EIPR1: variants seen among roughly 807,000 people sequenced by gnomAD.
EIPR1 encodes EARP complex and GARP complex interacting protein 1, also known as EARP and GARP complex-interacting protein 1.
In EIPR1, 25 loss-of-function variants were observed where a neutral mutation model predicts 48.1. That is an observed-to-expected ratio of 0.52 (90% CI 0.38 to 0.73). The LOEUF is 0.73. Among genes scored for constraint, EIPR1 ranks in the 30% least tolerant of loss-of-function variants. The pLI is 0.00. For missense variants in EIPR1, 415 were observed against 506.2 expected, an observed-to-expected ratio of 0.82 and a Z score of 1.73; for synonymous variants, 204 against 201.9, an observed-to-expected ratio of 1.01 and a Z score of -0.09.
chr2:3,197,031 G>C lies in EIPR1; in HGVS notation c.517-14C>G, dbSNP rs200276053. The C allele has an allele frequency of 1.2e-6, 2 of 1,612,664 alleles. No homozygotes were observed. Among genetic ancestry groups the C allele is most frequent in the South Asian group, 1.1e-5 (1 of 90,938 alleles). On this transcript the variant is annotated splice_polypyrimidine_tract_variant and intron_variant, in intron 5 of 8. Coordinates refer to ENST00000382125, the MANE Select transcript of EIPR1 (RefSeq NM_003310.5). ...TGAGCTGGCCAGCTGGGAGTGTCAC[G>C]ATGTTTTCCAAAGGAAGAAGAAAAG...
intron 3 of EIPR1, among the ~76,000 whole-genome samples, chr2:3,285,639 C>T (rs1668160226): frequency 1.3e-5 from 2 of 152,302 alleles, no homozygotes; most frequent in Admixed American, 1.3e-4. Context: ...GTTACTAACA[C>T]ATGGAGCAGA....
chr2:3,337,484 C>G (rs539998235), intron 3 of EIPR1, among the ~76,000 whole-genome samples: 14 of 152,134 alleles, frequency 9.2e-5, no homozygotes, highest in African/African-American at 2.9e-4. Context: ...ACAAGGAGAA[C>G]TGGGGAAGAG....
chr2:3,336,630 T>C (rs1409940065), intron 3 of EIPR1, among the ~76,000 whole-genome samples: 4 of 152,084 alleles, frequency 2.6e-5, no homozygotes, highest in Admixed American at 2.6e-4. Flanking sequence ...TAGCAGGGCA[T>C]GGTGATGTGC....
At chr2:3,291,475 T>C (rs963111491) in intron 3 of EIPR1, among the ~76,000 whole-genome samples, 2 of 152,212 alleles carry the variant, frequency 1.3e-5, no homozygotes, top group African/African-American at 4.8e-5. Flanking sequence ...CTAAGAGAGA[T>C]GGTTAGTTGT....
chr2:3,344,296 T>A (rs1284641414), intron 2 of EIPR1, among the ~76,000 whole-genome samples: 1 of 152,228 alleles, frequency 6.6e-6, no homozygotes, highest in African/African-American at 2.4e-5. Context: ...TTATGCAGAA[T>A]ACTGAATACT....
chr2:3,265,682 C>T (rs1019102130), intron 3 of EIPR1, among the ~76,000 whole-genome samples: 1 of 152,194 alleles, frequency 6.6e-6, no homozygotes, highest in Non-Finnish European at 1.5e-5. Context: ...ACATATGGCA[C>T]AAACCGCAGC....
In EIPR1 at chr2:3,327,559, A is replaced by G. The variant is rs1266606831; in HGVS notation, c.259+10458T>C. Among the ~76,000 whole-genome samples, 74 of 152,238 alleles carry G rather than the reference A, an allele frequency of 4.9e-4. 1 individual carries two copies. Among genetic ancestry groups the G allele is most frequent in the Admixed American group, 4.8e-3 (73 of 15,284 alleles). On this transcript the variant is annotated intron_variant, in intron 3 of 8. Transcript: ENST00000382125. The stretch of plus-strand genomic sequence containing the variant: ...GATGCTGAGATAGAGAGAAAAGGTC[A>G]CTATAGTGAAGCGAATTAACATATC...
rs985306594 is a variant in EIPR1, at chr2:3,248,252, A to C, written c.416+9047T>G. Among the ~76,000 whole-genome samples the C allele has an allele frequency of 2.6e-5, 4 of 152,356 alleles. No individual in the cohort carries two copies. The South Asian group carries it at 8.3e-4, about 32-fold the overall frequency. ...CACCTGAGATCAGGAGTTCAAGAGCAGCCTGACCAACATGGTGAAACCCCA... is the reference window on the plus strand; with the variant it reads ...CACCTGAGATCAGGAGTTCAAGAGCCGCCTGACCAACATGGTGAAACCCCA... On this transcript the variant is annotated intron_variant, in intron 4 of 8. Transcript: ENST00000382125.
intron 4 of EIPR1, among the ~76,000 whole-genome samples, chr2:3,247,214 C>T (rs556342163): frequency 5.9e-5 from 9 of 152,198 alleles, no homozygotes; most frequent in African/African-American, 7.2e-5. Context: ...AGAAACAAGG[C>T]GATTTCTAGG....
At chr2:3,262,016 T>C (rs1351290866) in intron 3 of EIPR1, 1 of 152,236 alleles carries the variant, frequency 6.6e-6, no homozygotes. Context: ...TGGATGACTC[T>C]AAGCTCAACA....
At chr2:3,365,022 T>G (rs1220228128) in intron 1 of EIPR1, among the ~76,000 whole-genome samples, 1 of 152,180 alleles carries the variant, frequency 6.6e-6, no homozygotes, top group East Asian at 1.9e-4. Flanking sequence ...ATATTTAAGG[T>G]GATGGATATC....
intron 1 of EIPR1, among the ~76,000 whole-genome samples, chr2:3,363,568 C>T (rs564100134): frequency 6.6e-6 from 1 of 152,064 alleles, no homozygotes; most frequent in Non-Finnish European, 1.5e-5. Context: ...TGGAGGTGTG[C>T]GCCTGTAGTC....
intron 4 of EIPR1, among the ~76,000 whole-genome samples, chr2:3,223,281 G>A (rs377716810): frequency 1.1e-4 from 16 of 152,198 alleles, no homozygotes; most frequent in African/African-American, 3.6e-4. Flanking sequence ...GTCCTTTCCC[G>A]TGGCAGCCTG....
chr2:3,311,998 G>A (rs148848729), intron 3 of EIPR1, among the ~76,000 whole-genome samples: 129 of 152,210 alleles, frequency 8.5e-4, no homozygotes, highest in African/African-American at 2.8e-3. Flanking sequence ...AGGACCTGGC[G>A]GTCACTCTCG....
chr2:3,359,229 T>A (rs1324646998), intron 1 of EIPR1, among the ~76,000 whole-genome samples: 1 of 152,178 alleles, frequency 6.6e-6, no homozygotes, highest in South Asian at 2.1e-4. Flanking sequence ...TGCCATCACT[T>A]TAAAATAGAA....
rs1458007501 is a variant in EIPR1 at position 3,197,022 on chromosome 2, G to C, written c.517-5C>G. On this transcript the variant is annotated splice_region_variant and splice_polypyrimidine_tract_variant and intron_variant, in intron 5 of 8. Transcript: ENST00000382125. ...CAGGGACGCTGAGCTGGCCAGCTGG[G>C]AGTGTCACGATGTTTTCCAAAGGAA... The C allele has an allele frequency of 6.2e-7, 1 of 1,613,498 alleles. No individual in the cohort carries two copies. Among genetic ancestry groups the C allele is most frequent in the Admixed American group, 1.7e-5 (1 of 59,944 alleles).
intron 3 of EIPR1, among the ~76,000 whole-genome samples, chr2:3,303,722 G>A (rs1156990289): frequency 6.6e-6 from 1 of 152,176 alleles, no homozygotes; most frequent in Non-Finnish European, 1.5e-5. Flanking sequence ...GTGTTTCCCG[G>A]CACCGTGAAC....
At chr2:3,201,220 A>G (rs1283067162) in intron 5 of EIPR1, among the ~76,000 whole-genome samples, 2 of 152,178 alleles carry the variant, frequency 1.3e-5, no homozygotes, top group African/African-American at 4.8e-5. Context: ...CCAGGGCCTG[A>G]CATCCCCCTG....
At chr2:3,288,235 C>G (rs1668266740) in intron 3 of EIPR1, among the ~76,000 whole-genome samples, 2 of 152,238 alleles carry the variant, frequency 1.3e-5, no homozygotes, top group South Asian at 4.1e-4. Context: ...TTTCCAAGCC[C>G]TGCCTCTCTG....
Sources: allele counts gnomAD v4.1 joint callset (sites outside exome capture counted in the v4.1 genomes callset), GRCh38; gene constraint gnomAD v4.1.1; transcripts MANE v1.5; gene names NCBI Gene and HGNC (gene_info 2026-07-23, HGNC 2026-07-21).